The following SS18 variants were observed in gnomAD, a reference collection of about 807,000 sequenced individuals.
The protein encoded by SS18 is protein SSXT.
SS18 carries 28 observed loss-of-function variants against 72.5 expected under a neutral mutation model. The ratio of observed to expected loss-of-function variants is 0.39; its 90% CI spans 0.29 to 0.53. The LOEUF is 0.53. SS18 is among the 20% of genes least tolerant of loss of function. SS18 has a pLI of 0.76. For missense variants in SS18, 518 were observed against 535.3 expected, an observed-to-expected ratio of 0.97 and a Z score of 0.32; for synonymous variants, 172 against 164.2, an observed-to-expected ratio of 1.05 and a Z score of -0.37.
At chr18:26,023,530 T>C (rs1479761886) in intron 10 of SS18, 3 of 461,800 alleles carry the variant, frequency 6.5e-6, no homozygotes, top group Admixed American at 3.3e-5. Flanking sequence ...AGAACAAAGA[T>C]AAATGACAGC....
In SS18 at chr18:26,090,542, G is replaced by A. The variant is rs1211443547; in HGVS notation, c.28C>T (p.Gln10Ter). The change falls in exon 1 of 11, where the codon CAG becomes TAG. Residue 10 changes from glutamine (Q) to a stop codon, truncating the protein, a stop_gained. Transcript: ENST00000415083. LOFTEE classifies it high-confidence loss of function. MSVAFAAPR[Q>*]RGKGEITPAA... ...GGAGTGATCTCCCCCTTGCCTCGCT[G>A]CCTCGGGGCCGCGAAAGCCACAGAC... The A allele has an allele frequency of 6.3e-7, 1 of 1,588,698 alleles. No homozygotes were observed. The highest frequency in any genetic ancestry group is 8.6e-7 in the Non-Finnish European group (1 of 1,168,334).
rs550286509 is a variant in SS18 at position 26,042,467 on chromosome 18, A to G, written c.608-3011T>C. ...CATATAACAAACACTTATCATTAGC[A>G]CATTATTTCTTCCCATTTTGAGTTT... is the stretch of plus-strand genomic sequence containing the variant. On this transcript the variant is annotated intron_variant, in intron 5 of 10. Coordinates refer to ENST00000415083, the MANE Select transcript of SS18 (RefSeq NM_001007559.3). Among the ~76,000 whole-genome samples the G allele has an allele frequency of 1.1e-4, 16 of 152,270 alleles. No homozygotes were observed. In the South Asian group the frequency reaches 3.1e-3, roughly 30 times the overall value.
chr18:26,082,738 T>C (rs954982413), intron 2 of SS18, among the ~76,000 whole-genome samples: 35 of 152,226 alleles, frequency 2.3e-4, no homozygotes, highest in Admixed American at 2.2e-3. Flanking sequence ...GCAGAGAGCG[T>C]TGATAAAGCA....
At chr18:26,022,904 C>G (rs1477499179) in intron 10 of SS18, among the ~76,000 whole-genome samples, 1 of 152,134 alleles carries the variant, frequency 6.6e-6, no homozygotes. Flanking sequence ...GAGTAAAAAG[C>G]CTTACAATTC....
intron 5 of SS18, among the ~76,000 whole-genome samples, chr18:26,046,754 T>C (rs1037043120): frequency 1.3e-5 from 2 of 152,200 alleles, no homozygotes; most frequent in Admixed American, 6.5e-5. Context: ...AAATCTCATA[T>C]AGGTTTACTG....
intron 5 of SS18, among the ~76,000 whole-genome samples, chr18:26,047,040 A>G (rs1174416057): frequency 6.6e-6 from 1 of 152,132 alleles, no homozygotes; most frequent in East Asian, 1.9e-4. Context: ...ACTGATATTC[A>G]TGTATATCAG....
At chr18:26,082,431 A>G in intron 2 of SS18, 1 of 975,716 alleles carries the variant, frequency 1.0e-6, no homozygotes, top group Non-Finnish European at 1.2e-6. Context: ...CTTCCAAACT[A>G]CAGATTTAAA....
chr18:26,060,804 A>AAC (rs1317502550), intron 3 of SS18, among the ~76,000 whole-genome samples: 1 of 137,602 alleles, frequency 7.3e-6, no homozygotes, highest in East Asian at 2.1e-4. Flanking sequence ...AAAAAAAAAA[A>AAC]AATCAGCCAG....
At chr18:26,087,866 G>A (rs2054644085) in intron 1 of SS18, among the ~76,000 whole-genome samples, 1 of 152,084 alleles carries the variant, frequency 6.6e-6, no homozygotes, top group Non-Finnish European at 1.5e-5. Context: ...ATAATTTAAA[G>A]CAACATTAGT....
chr18:26,037,305 AAAC>A (rs1400708781), intron 7 of SS18, among the ~76,000 whole-genome samples: 1 of 152,140 alleles, frequency 6.6e-6, no homozygotes, highest in East Asian at 1.9e-4. Flanking sequence ...CCCAGGATCA[AAAC>A]AACAATGTCA....
intron 5 of SS18, among the ~76,000 whole-genome samples, chr18:26,050,872 G>A (rs928754532): frequency 6.6e-6 from 1 of 152,112 alleles, no homozygotes; most frequent in African/African-American, 2.4e-5. Context: ...TTGTGCCACT[G>A]CACTCCAGCC....
In SS18 at chr18:26,060,771, CAAAAAAAAAAAAA is replaced by C. The variant is rs60999827; in HGVS notation, c.232-3042_232-3030del. 1.5e-3 allele frequency among the ~76,000 whole-genome samples: 61 copies of C among 39,608 alleles called. 1 individual carries two copies. The highest frequency in any genetic ancestry group is 3.3e-3 in the South Asian group (2 of 602). The allele number at this position is 39,608 out of a possible 152,430, so 26.0% of individuals were successfully genotyped here. A position where few individuals can be genotyped will look rare whatever the true frequency, so the allele number is the denominator to read the frequency against. ...GAAACTCTGTCTCTACTAAAAATAC[CAAAAAAAAAAAAA>C]AAAAAAAAAAAAAAAAAAAAAATCA... On this transcript the variant is annotated intron_variant, in intron 3 of 10. Coordinates refer to ENST00000415083, the MANE Select transcript of SS18 (RefSeq NM_001007559.3).
chr18:26,046,187 G>A (rs576334828), intron 5 of SS18, among the ~76,000 whole-genome samples: 1,584 of 93,520 alleles, frequency 0.017, 19 homozygotes, highest in Non-Finnish European at 0.021. Flanking sequence ...GGAAGACTCC[G>A]TCTCAAAAAA....
intron 2 of SS18, chr18:26,081,088 CAAAAAAAAAA>C (rs58751181): frequency 6.3e-5 from 4 of 63,432 alleles, no homozygotes; most frequent in African/African-American, 1.2e-4. Context: ...GACTCCGTCT[CAAAAAAAAAA>C]AAAAAAAAAA....
At chr18:26,090,253 G>A in intron 1 of SS18, 1 of 531,446 alleles carries the variant, frequency 1.9e-6, no homozygotes, top group Non-Finnish European at 3.3e-6. Context: ...AAATCAGGCG[G>A]CGGCTGTTTG....
intron 3 of SS18, among the ~76,000 whole-genome samples, chr18:26,064,138 T>C (rs756131495): frequency 6.6e-6 from 1 of 152,138 alleles, no homozygotes; most frequent in Non-Finnish European, 1.5e-5. Flanking sequence ...CTCTATTTAT[T>C]AGAGAAACTG....
intron 3 of SS18, among the ~76,000 whole-genome samples, chr18:26,067,094 C>A (rs772765305): frequency 6.6e-6 from 1 of 152,160 alleles, no homozygotes; most frequent in Non-Finnish European, 1.5e-5. Flanking sequence ...ACACAGCCTT[C>A]CTCACCTCAA....
chr18:26,022,302 G>A (rs1193713183), intron 10 of SS18, among the ~76,000 whole-genome samples: 1 of 152,100 alleles, frequency 6.6e-6, no homozygotes, highest in Non-Finnish European at 1.5e-5. Flanking sequence ...TGCTTTTAAA[G>A]AGGTTACATT....
intron 4 of SS18, among the ~76,000 whole-genome samples, chr18:26,055,249 C>T (rs1249102765): frequency 6.6e-6 from 1 of 151,904 alleles, no homozygotes; most frequent in Non-Finnish European, 1.5e-5. Flanking sequence ...GGTGGATCAC[C>T]TGATGTCAGG....
Sources: allele counts gnomAD v4.1 joint callset (sites outside exome capture counted in the v4.1 genomes callset), GRCh38; gene constraint gnomAD v4.1.1; transcripts MANE v1.5; gene names NCBI Gene and HGNC (gene_info 2026-07-23, HGNC 2026-07-21).